Variants in TKFC observed in about 807,000 individuals in gnomAD.
TKFC encodes triokinase/FMN cyclase.
A neutral mutation model predicts 61.0 loss-of-function variants in TKFC; 46 were observed. The ratio of observed to expected loss-of-function variants is 0.75; its 90% CI spans 0.60 to 0.96. The LOEUF is 0.96. Among genes scored for constraint, TKFC ranks in the 50% least tolerant of loss-of-function variants. TKFC has a pLI of 0.00. For missense variants in TKFC, 715 were observed against 777.5 expected (o/e 0.92, Z 0.96); for synonymous variants, 314 against 330.1 (o/e 0.95, Z 0.53).
At chr11:61,334,513 G>A in intron 1 of TKFC, 107 bp from the exon 2 acceptor site, 1 of 577,756 alleles carries the variant, frequency 1.7e-6, no homozygotes, top group Non-Finnish European at 3.1e-6. Context: ...GTTTGGACTT[G>A]GACCGAAGTC....
In TKFC at chr11:61,342,588, T is replaced by C. The variant is rs746122685; in HGVS notation, c.705T>C (p.Asp235=). ...CCCTCTGACAGATGGCAACCGCCGA[T>C]GAGATTGTGAAACTCATGCTCGACC... is the stretch of plus-strand genomic sequence containing the variant. The part of the protein sequence containing the change: ...GVRRIKMATA[D]EIVKLMLDHM... Residue 235 remains aspartate (D), a synonymous_variant, in exon 9 of 18, where the codon GAT becomes GAC. Coordinates refer to ENST00000394900, the MANE Select transcript of TKFC (RefSeq NM_015533.4). 1.7e-5 allele frequency: 27 copies of C among 1,611,474 alleles called. No individual in the cohort carries two copies. Among genetic ancestry groups the C allele is most frequent in the Non-Finnish European group, 2.3e-5 (27 of 1,178,042 alleles).
Position 61,339,271 on chromosome 11 carries a change from G to C in TKFC, c.322G>C (p.Val108Leu), listed in dbSNP as rs1298917715. The C allele has an allele frequency of 1.2e-6, 2 of 1,613,488 alleles. No homozygotes were observed. The highest frequency in any genetic ancestry group is 2.7e-5 in the African/African-American group (2 of 75,054). The change falls in exon 5 of 18, where the codon GTG becomes CTG. Residue 108 changes from valine (V) to leucine (L), a missense_variant. Transcript: ENST00000394900. ...TCCCGCAGTGGGGACGCTCCTTATC[G>C]TGAAGAACTACACTGGGGATCGGCT... The part of the protein sequence containing the change: ...QAGTVGTLLI[V>L]KNYTGDRLNF...
intron 12 of TKFC, 33 bp from the exon 13 acceptor site, chr11:61,344,103 G>A (rs756179733): frequency 1.9e-6 from 3 of 1,610,392 alleles, no homozygotes; most frequent in Non-Finnish European, 2.5e-6. Flanking sequence ...GAAGGGCCTG[G>A]TGGGCCTGTT....
At position 61,338,115 on chromosome 11, in the gene TKFC, G is replaced by A. The variant is rs761299378; in HGVS notation, c.178G>A (p.Glu60Lys). The change falls in exon 3 of 18, where the codon GAG (glutamate) becomes AAG (lysine). Residue 60 changes from glutamate (E) to lysine (K), a missense_variant. Glu to Lys is a moderately conservative substitution (Grantham distance 56). Transcript: ENST00000394900. Reference sequence around the variant, plus strand: ...GCTGTCGGGTGGGGGCTCTGGCCATGAGCCTGCCCATGCTGGTGAGTATCC... The same window carrying A: ...GCTGTCGGGTGGGGGCTCTGGCCATAAGCCTGCCCATGCTGGTGAGTATCC... ...ALLSGGGSGH[E>K]PAHAGFIGKG... 1.3e-6 allele frequency: 2 copies of A among 1,598,656 alleles called. No individual in the cohort carries two copies. Among genetic ancestry groups the A allele is most frequent in the Non-Finnish European group, 8.5e-7 (1 of 1,176,202 alleles).
chr11:61,351,810 A>C (rs2135105415), downstream of TKFC: 2 of 152,294 alleles, frequency 1.3e-5, no homozygotes, highest in South Asian at 4.1e-4. Context: ...CTTACTTAGG[A>C]GGCTACATTG....
At chr11:61,349,530 G>A (rs1029796775), downstream of TKFC, 13 of 702,762 alleles carry the variant, frequency 1.8e-5, no homozygotes, top group Non-Finnish European at 2.3e-5. Context: ...GACATCTGGG[G>A]ACAGGCTCTG....
chr11:61,339,312 C>T lies in TKFC; in HGVS notation c.363C>T (p.Ala121=). Residue 121 remains alanine (A), a synonymous_variant, in exon 5 of 18, where the codon GCC becomes GCT. Coordinates refer to ENST00000394900, the MANE Select transcript of TKFC (RefSeq NM_015533.4). Reference sequence around the variant, plus strand: ...GGGATCGGCTCAACTTCGGCCTGGCCCGGGAGCAGGCCCGGGCTGAAGGCA... The same window carrying T: ...GGGATCGGCTCAACTTCGGCCTGGCTCGGGAGCAGGCCCGGGCTGAAGGCA... ...YTGDRLNFGL[A]REQARAEGIP... 6.2e-7 allele frequency: 1 copy of T among 1,613,906 alleles called. No individual in the cohort carries two copies. The highest frequency in any genetic ancestry group is 8.5e-7 in the Non-Finnish European group (1 of 1,180,020).
Position 61,338,137 on chromosome 11 carries a change from A to G in TKFC, c.193+7A>G. On this transcript the variant is annotated splice_region_variant and intron_variant, in intron 3 of 17. Transcript: ENST00000394900. ...CATGAGCCTGCCCATGCTGGTGAGT[A>G]TCCTGGGGTGGGGCAGGGGGTACTA... 2 of 1,575,072 alleles carry G rather than the reference A, an allele frequency of 1.3e-6. No individual in the cohort carries two copies.
At position 61,348,226 on chromosome 11, in the gene TKFC, G is replaced by C; in HGVS notation, c.*1723G>C. 16 of 985,388 alleles carry C rather than the reference G, an allele frequency of 1.6e-5. No individual in the cohort carries two copies. The highest frequency in any genetic ancestry group is 1.9e-5 in the Non-Finnish European group (16 of 829,934). The allele number at this position is 985,388 out of a possible 1,614,324, so 61.0% of individuals were successfully genotyped here. A position where few individuals can be genotyped will look rare whatever the true frequency, so the allele number is the denominator to read the frequency against. On this transcript the variant is annotated 3_prime_UTR_variant, in exon 18 of 18. Transcript: ENST00000394900. The stretch of plus-strand genomic sequence containing the variant: ...AACCTAGTCACCCTTTTTGAGTCTT[G>C]TTTTCTCAGATTATGAAATAGGAAA...
At chr11:61,336,654 C>T (rs1224836232) in intron 2 of TKFC, among the ~76,000 whole-genome samples, 8 of 152,190 alleles carry the variant, frequency 5.3e-5, no homozygotes, top group Non-Finnish European at 1.0e-4. Context: ...TAATGAGAGG[C>T]AGAAGTGGGA....
chr11:61,351,739 G>C (rs576804379), downstream of TKFC: 7 of 152,300 alleles, frequency 4.6e-5, no homozygotes, highest in East Asian at 1.4e-3. Context: ...AACATAGTGA[G>C]ATCCTGTCTC....
In TKFC at chr11:61,345,628, C is replaced by T. The variant is rs545390077; in HGVS notation, c.1451+63C>T. 151 of 1,612,364 alleles carry T rather than the reference C, an allele frequency of 9.4e-5. 4 individuals carry two copies. The highest frequency in any genetic ancestry group is 4.5e-4 in the African/African-American group (34 of 75,048). On this transcript the variant is annotated intron_variant, in intron 15 of 17. Transcript: ENST00000394900. ...TGGGGGAGGTGTTTGGTGACATCTG[C>T]GCCCTGCCAGGCCCTAGCCCAACCC... is the stretch of plus-strand genomic sequence containing the variant.
rs755045739 is a variant in TKFC, at chr11:61,346,372, GCCA to G, written c.1601_1603del (p.Thr534del). ...CCAGAGTGCCGAAGCTGCAGCCGAG[GCCA>G]CCAAGAATATGGAAGCTGGAGCCGG... On this transcript the variant is annotated inframe_deletion, in exon 18 of 18. Coordinates refer to ENST00000394900, the MANE Select transcript of TKFC (RefSeq NM_015533.4). The surrounding 1 kb of genome is among the most constrained non-coding windows in gnomAD (Gnocchi z 4.1). 4 of 1,612,760 alleles carry G rather than the reference GCCA, an allele frequency of 2.5e-6. No individual in the cohort carries two copies. The South Asian group carries it at 4.4e-5, about 18-fold the overall frequency.
intron 7 of TKFC, 184 bp from the exon 8 acceptor site, chr11:61,342,277 A>T: frequency 1.3e-6 from 1 of 756,888 alleles, no homozygotes. Context: ...AGTTAAAGCT[A>T]TCTCCACCAC....
At position 61,343,371 on chromosome 11, in the gene TKFC, C is replaced by G; in HGVS notation, c.895C>G (p.Leu299Val). 1.2e-6 allele frequency: 2 copies of G among 1,614,200 alleles called. No homozygotes were observed. Among genetic ancestry groups the G allele is most frequent in the Non-Finnish European group, 1.7e-6 (2 of 1,180,014 alleles). ...EGRGVKIARA[L>V]VGTFMSALEM... is the part of the protein sequence containing the mutation. ...CCGCGGGGTGAAGATTGCCCGTGCC[C>G]TGGTGGGCACCTTCATGTCAGCACT... Residue 299 changes from leucine to valine, a missense_variant, in exon 11 of 18, where the codon CTG becomes GTG. By Grantham distance (32) the Leu-to-Val change is conservative (BLOSUM62 1). Coordinates refer to ENST00000394900, the MANE Select transcript of TKFC (RefSeq NM_015533.4).
chr11:61,341,601 C>A, intron 6 of TKFC, 87 bp downstream of exon 6: 2 of 1,437,330 alleles, frequency 1.4e-6, no homozygotes, highest in Non-Finnish European at 9.6e-7. Context: ...GGCTGCCTAG[C>A]GGTGCTCCCC....
intron 2 of TKFC, 64 bp from the exon 3 acceptor site, chr11:61,337,877 C>A: frequency 6.8e-7 from 1 of 1,460,164 alleles, no homozygotes; most frequent in Non-Finnish European, 9.2e-7. Flanking sequence ...AGCAGTGTGG[C>A]TGCGCAGGAT....
intron 7 of TKFC, 97 bp downstream of exon 7, chr11:61,342,009 C>A: frequency 8.3e-7 from 1 of 1,211,252 alleles, no homozygotes; most frequent in Non-Finnish European, 1.2e-6. Context: ...GGTCCTCTCC[C>A]CAGGTGGTCT....
In TKFC at chr11:61,347,902, AC is replaced by A. The variant is rs920235757; in HGVS notation, c.*1400del. 40 of 985,186 alleles carry A rather than the reference AC, an allele frequency of 4.1e-5. No individual in the cohort carries two copies. The African/African-American group carries it at 6.7e-4, about 16-fold the overall frequency. The allele number at this position is 985,186 out of a possible 1,614,324, so 61.0% of individuals were successfully genotyped here. ...TCCAAGTGCTCACTCACTGAGAGTT[AC>A]GGTTATCACAGGGGTTGGGCCCCCA... On this transcript the variant is annotated 3_prime_UTR_variant, in exon 18 of 18. Coordinates refer to ENST00000394900, the MANE Select transcript of TKFC (RefSeq NM_015533.4).
Sources: gnomAD v4.1 joint callset for allele counts (sites outside exome capture counted in the v4.1 genomes callset) on GRCh38, gnomAD v4.1.1 for gene constraint, Gnocchi (gnomAD v3.1) non-coding constraint, MANE v1.5 for transcripts, NCBI Gene and HGNC (gene_info 2026-07-23, HGNC 2026-07-21) for gene names.